The following OR4Q3 variants were observed in gnomAD, a reference collection of about 807,000 sequenced individuals.
OR4Q3 encodes the protein olfactory receptor family 4 subfamily Q member 3, also known as olfactory receptor 4Q3.
OR4Q3 carries 17 observed loss-of-function variants against 18.8 expected under a neutral mutation model. The observed-to-expected ratio is 0.91, with a 90% CI of 0.62 to 1.36. The LOEUF is 1.36. Ranked by LOEUF, OR4Q3 falls within the 40% of genes most tolerant of loss-of-function variation. The probability of loss-of-function intolerance (pLI) is 0.00; values close to 1 mark genes in which losing one functional copy is unlikely to be tolerated. For missense variants in OR4Q3, 378 were observed against 373.4 expected (o/e 1.01, Z -0.10); for synonymous variants, 158 against 145.8 (o/e 1.08, Z -0.60).
Position 19,747,387 on chromosome 14 carries a change from T to G in OR4Q3, c.3-19T>G. ...TATCTACCTTAAATCTCCCTTGTTC[T>G]GATTTAATTCTTCTTTAGGTCACTT... On this transcript the variant is annotated intron_variant, in intron 1 of 1. Coordinates refer to ENST00000642117, the Ensembl canonical transcript of OR4Q3. The G allele has an allele frequency of 3.2e-5, 43 of 1,323,624 alleles. 1 individual carries two copies. In the East Asian group the frequency reaches 8.9e-4, roughly 27 times the overall value. 82.0% of individuals were successfully genotyped at this position (1,323,624 alleles called of 1,614,324 possible).
chr14:19,743,647 C>T (rs1316603959), exon 1 of OR4Q3: 1 of 152,302 alleles, frequency 6.6e-6, no homozygotes, highest in East Asian at 1.9e-4. Context: ...TCCTTGAAAC[C>T]ACATAGCTTC....
chr14:19,750,126 A>G, downstream of OR4Q3, among the ~76,000 whole-genome samples: 1 of 152,072 alleles, frequency 6.6e-6, no homozygotes, highest in South Asian at 2.1e-4. Flanking sequence ...CTGGGATTAC[A>G]GGTGCTGGCC....
exon 2 of OR4Q3, chr14:19,747,927 T>C: frequency 6.2e-7 from 1 of 1,613,914 alleles, no homozygotes; most frequent in Admixed American, 1.7e-5. Flanking sequence ...GTCATCCAGC[T>C]GCCTTTCTGT....
downstream of OR4Q3, among the ~76,000 whole-genome samples, chr14:19,751,124 A>G: frequency 6.6e-6 from 1 of 152,250 alleles, no homozygotes; most frequent in Non-Finnish European, 1.5e-5. Context: ...ATCATTTTAA[A>G]TGTCCAGTTG....
chr14:19,746,050 G>A, intron 1 of OR4Q3, among the ~76,000 whole-genome samples: 3 of 151,788 alleles, frequency 2.0e-5, no homozygotes, highest in Non-Finnish European at 2.9e-5. Flanking sequence ...TGTCATTAGA[G>A]GTTTTCATTT....
chr14:19,748,527 T>C, exon 2 of OR4Q3: 22 of 640,580 alleles, frequency 3.4e-5, no homozygotes, highest in Non-Finnish European at 4.9e-5. Flanking sequence ...TTTAAAAGCA[T>C]AGGTGGCACT....
Sources: gnomAD v4.1 joint callset for allele counts (sites outside exome capture counted in the v4.1 genomes callset) on GRCh38, gnomAD v4.1.1 for gene constraint, MANE v1.5 for transcripts, NCBI Gene and HGNC (gene_info 2026-07-23, HGNC 2026-07-21) for gene names.